RPS6KC1: variants seen among roughly 807,000 people sequenced by gnomAD.
The protein encoded by RPS6KC1 is inactive ribosomal protein S6 kinase delta-1.
Under a neutral mutation model 103.8 loss-of-function variants are expected in RPS6KC1, and 54 were observed. The ratio of observed to expected loss-of-function variants is 0.52; its 90% CI spans 0.42 to 0.65. RPS6KC1 has a LOEUF of 0.65. RPS6KC1 is among the 30% of genes least tolerant of loss of function. RPS6KC1 has a pLI of 0.00. For missense variants in RPS6KC1, 1,151 were observed against 1,253.8 expected (o/e 0.92, Z 1.24); for synonymous variants, 439 against 438.7 (o/e 1.00, Z -0.01).
the RPS6KC1 span, among the ~76,000 whole-genome samples, chr1:213,860,664 T>C: frequency 6.6e-6 from 1 of 152,074 alleles, no homozygotes; most frequent in Non-Finnish European, 1.5e-5. Flanking sequence ...TAGCACTATA[T>C]GTTTAAGGAG....
At chr1:213,556,400 G>A in the RPS6KC1 span, among the ~76,000 whole-genome samples, 22 of 152,188 alleles carry the variant, frequency 1.4e-4, no homozygotes, top group Admixed American at 1.3e-4. Context: ...TGTCTAGTAC[G>A]TAACAAGTAC....
the RPS6KC1 span, among the ~76,000 whole-genome samples, chr1:213,853,549 C>A: frequency 6.6e-6 from 1 of 152,188 alleles, no homozygotes; most frequent in Non-Finnish European, 1.5e-5. Flanking sequence ...AAATGTAAGG[C>A]ATACTTCCCT....
chr1:213,389,123 CT>C, the RPS6KC1 span, among the ~76,000 whole-genome samples: 4,682 of 144,562 alleles, frequency 0.032, 190 homozygotes, highest in African/African-American at 0.099. Flanking sequence ...CTGGAGCTAG[CT>C]TTTTTTTTTT....
chr1:213,427,500 T>C, the RPS6KC1 span, among the ~76,000 whole-genome samples: 1 of 152,248 alleles, frequency 6.6e-6, no homozygotes, highest in African/African-American at 2.4e-5. Context: ...ATGGCCTTTA[T>C]TTTATGTGCT....
chr1:213,464,898 C>T, the RPS6KC1 span, among the ~76,000 whole-genome samples: 1 of 152,108 alleles, frequency 6.6e-6, no homozygotes, highest in Non-Finnish European at 1.5e-5. Context: ...CCAAGACAGT[C>T]ATTCTCCCAG....
chr1:213,662,317 G>C, the RPS6KC1 span, among the ~76,000 whole-genome samples: 2 of 151,918 alleles, frequency 1.3e-5, no homozygotes, highest in African/African-American at 4.8e-5. Context: ...ACCCAGGCTG[G>C]AGTGCAGTGG....
chr1:213,771,941 G>C, the RPS6KC1 span, among the ~76,000 whole-genome samples: 1 of 152,162 alleles, frequency 6.6e-6, no homozygotes, highest in Non-Finnish European at 1.5e-5. Context: ...ATATCTGGGC[G>C]GGCGTGGGGG....
chr1:213,278,233 G>A (rs185795986), downstream of RPS6KC1, among the ~76,000 whole-genome samples: 7 of 151,998 alleles, frequency 4.6e-5, 1 homozygote, highest in African/African-American at 1.7e-4. Flanking sequence ...CCTAAAGTTT[G>A]GGTATTTGGT....
rs756240429 is a variant in RPS6KC1 at position 213,117,406 on chromosome 1, G to C, written c.468G>C (p.Thr156=). The change falls in exon 5 of 15, where the codon ACG becomes ACC. Residue 156 remains threonine (T), a synonymous_variant. Transcript: ENST00000366960. ...SLIDTFPECS[T]EGFSSDSDLV... is the part of the protein sequence containing the mutation. The stretch of plus-strand genomic sequence containing the variant: ...TTGATACCTTTCCTGAGTGTAGTAC[G>C]GAAGGTAAGAGATTTTAATTTTTTT... The C allele has an allele frequency of 3.1e-6, 5 of 1,589,486 alleles. No individual in the cohort carries two copies. Among genetic ancestry groups the C allele is most frequent in the Non-Finnish European group, 4.3e-6 (5 of 1,161,442 alleles).
At chr1:213,860,778 G>A in the RPS6KC1 span, among the ~76,000 whole-genome samples, 1 of 151,862 alleles carries the variant, frequency 6.6e-6, no homozygotes, top group African/African-American at 2.4e-5. Flanking sequence ...AGCACTGTTG[G>A]TAACACTAAA....
chr1:213,144,087 C>T (rs1034824913), intron 6 of RPS6KC1, among the ~76,000 whole-genome samples: 3 of 151,884 alleles, frequency 2.0e-5, no homozygotes, highest in East Asian at 3.9e-4. Flanking sequence ...ATATCAAAAC[C>T]CTTAACCTTA....
the RPS6KC1 span, among the ~76,000 whole-genome samples, chr1:213,296,387 C>G: frequency 1.3e-5 from 2 of 152,144 alleles, no homozygotes; most frequent in Non-Finnish European, 2.9e-5. Flanking sequence ...TACTTCAATG[C>G]AAAGAGAGCC....
the RPS6KC1 span, among the ~76,000 whole-genome samples, chr1:213,293,365 C>A: frequency 0.017 from 2,632 of 152,178 alleles, 31 homozygotes; most frequent in Non-Finnish European, 0.025. Flanking sequence ...ATTACCCCTG[C>A]TTTTTCCCCC....
the RPS6KC1 span, among the ~76,000 whole-genome samples, chr1:213,469,806 C>A: frequency 6.6e-6 from 1 of 152,174 alleles, no homozygotes; most frequent in South Asian, 2.1e-4. Flanking sequence ...TGCTTGAGAC[C>A]AAGAGGTTGA....
chr1:213,372,227 C>T, the RPS6KC1 span, among the ~76,000 whole-genome samples: 2 of 152,118 alleles, frequency 1.3e-5, no homozygotes, highest in Non-Finnish European at 2.9e-5. Context: ...CTGCCTGCAC[C>T]ACTTGGGCCG....
chr1:213,127,430 A>G (rs1458120996), intron 5 of RPS6KC1, among the ~76,000 whole-genome samples: 1 of 152,200 alleles, frequency 6.6e-6, no homozygotes, highest in Non-Finnish European at 1.5e-5. Flanking sequence ...TGCTGTGTGA[A>G]AAAATGAGAA....
At chr1:213,396,895 C>T in the RPS6KC1 span, among the ~76,000 whole-genome samples, 16 of 152,170 alleles carry the variant, frequency 1.1e-4, no homozygotes, top group Non-Finnish European at 2.4e-4. Flanking sequence ...GCATCCATGC[C>T]ATGGCCAACG....
the RPS6KC1 span, among the ~76,000 whole-genome samples, chr1:213,752,277 G>C: frequency 6.6e-6 from 1 of 151,526 alleles, no homozygotes; most frequent in African/African-American, 2.4e-5. Context: ...CTTTGGGCCA[G>C]AGAAAAAAAT....
the RPS6KC1 span, among the ~76,000 whole-genome samples, chr1:213,416,504 C>A: frequency 2.0e-5 from 3 of 152,074 alleles, no homozygotes; most frequent in Non-Finnish European, 4.4e-5. Context: ...TGTGGGAGGG[C>A]GAGTGAAAGG....
Sources: allele counts gnomAD v4.1 joint callset (sites outside exome capture counted in the v4.1 genomes callset), GRCh38; gene constraint gnomAD v4.1.1; transcripts MANE v1.5; gene names NCBI Gene and HGNC (gene_info 2026-07-23, HGNC 2026-07-21).